The following TNR variants were observed in gnomAD, a reference collection of about 807,000 sequenced individuals.
TNR encodes the protein tenascin-R.
In TNR, 45 loss-of-function variants were observed where a neutral mutation model predicts 150.4. The ratio of observed to expected loss-of-function variants is 0.30; its 90% CI spans 0.24 to 0.38. The LOEUF is 0.38. TNR is among the 10% of genes least tolerant of loss of function. The pLI is 1.00. For synonymous variants in TNR, 687 were observed against 678.4 expected (o/e 1.01, Z -0.20); for missense variants, 1,544 against 1,759.1 (o/e 0.88, Z 2.19).
intron 2 of TNR, among the ~76,000 whole-genome samples, chr1:175,485,664 G>C (rs1000395232): frequency 4.6e-5 from 7 of 151,992 alleles, no homozygotes; most frequent in Non-Finnish European, 1.0e-4. Flanking sequence ...ATTCTTCTGG[G>C]GATATCACAG....
chr1:175,476,624 C>T (rs546491981), intron 2 of TNR, among the ~76,000 whole-genome samples: 3 of 152,328 alleles, frequency 2.0e-5, no homozygotes, highest in Admixed American at 2.0e-4. Context: ...CCTCCCAAAG[C>T]TACACCTCAC....
intron 18 of TNR, among the ~76,000 whole-genome samples, chr1:175,344,826 A>C (rs1233263239): frequency 6.6e-6 from 1 of 152,208 alleles, no homozygotes; most frequent in African/African-American, 2.4e-5. Flanking sequence ...GAAATAGAAC[A>C]AGAGGGAACA....
intron 1 of TNR, among the ~76,000 whole-genome samples, chr1:175,687,454 A>T (rs1394012980): frequency 6.6e-6 from 1 of 152,114 alleles, no homozygotes; most frequent in South Asian, 2.1e-4. Context: ...CTTTACACCC[A>T]CTGAAAGGAA....
chr1:175,335,207 A>T (rs1344481905), intron 20 of TNR: 1 of 152,718 alleles, frequency 6.5e-6, no homozygotes. Flanking sequence ...TTCTCGATCT[A>T]TATTTCCTGC....
intron 1 of TNR, among the ~76,000 whole-genome samples, chr1:175,604,886 T>A (rs1298743978): frequency 6.6e-6 from 1 of 152,132 alleles, no homozygotes; most frequent in African/African-American, 2.4e-5. Context: ...AGGGGAAGAA[T>A]GTCCAGAGAA....
chr1:175,358,210 C>T (rs1445476546), intron 15 of TNR, among the ~76,000 whole-genome samples: 1 of 152,178 alleles, frequency 6.6e-6, no homozygotes, highest in Non-Finnish European at 1.5e-5. Context: ...AGGACATACC[C>T]ATAGTAATGC....
chr1:175,600,249 T>A (rs1344029028), intron 1 of TNR, among the ~76,000 whole-genome samples: 2 of 152,224 alleles, frequency 1.3e-5, no homozygotes, highest in East Asian at 3.8e-4. Flanking sequence ...GCCTGGCATA[T>A]AGTAAGAATT....
chr1:175,356,690 T>C lies in TNR; in HGVS notation c.2975-228A>G, dbSNP rs189011026. Among the ~76,000 whole-genome samples, 33 of 152,344 alleles carry C rather than the reference T, an allele frequency of 2.2e-4. No individual in the cohort carries two copies. In the East Asian group the frequency reaches 6.4e-3, roughly 29 times the overall value. ...TGTGCAGGTCAAATTGTCTTCTCTA[T>C]AACTTCTATTCGTGTCTCTGGAGTT... On this transcript the variant is annotated intron_variant, in intron 15 of 22. Coordinates refer to ENST00000367674, the MANE Select transcript of TNR (RefSeq NM_003285.3).
chr1:175,555,359 C>T (rs1041385153), intron 1 of TNR, among the ~76,000 whole-genome samples: 3 of 152,178 alleles, frequency 2.0e-5, no homozygotes, highest in Admixed American at 2.0e-4. Flanking sequence ...AATAAAACCT[C>T]TCAGGCTAGG....
chr1:175,402,544 T>C (rs1653763230), intron 4 of TNR, among the ~76,000 whole-genome samples: 2 of 152,208 alleles, frequency 1.3e-5, no homozygotes, highest in East Asian at 3.9e-4. Context: ...TGTTGCCCAA[T>C]GTCCTTAGTA....
chr1:175,738,452 T>C (rs1667834776), intron 1 of TNR, among the ~76,000 whole-genome samples: 3 of 152,170 alleles, frequency 2.0e-5, no homozygotes, highest in South Asian at 4.1e-4. Context: ...TTCACTTACA[T>C]GTAGTACCTA....
chr1:175,647,430 C>T (rs544664417), intron 1 of TNR, among the ~76,000 whole-genome samples: 13 of 122,770 alleles, frequency 1.1e-4, no homozygotes, highest in East Asian at 2.8e-4. Context: ...TGTTACTATT[C>T]GGTGCAAAAA....
At chr1:175,360,032 T>C (rs1236125160) in intron 14 of TNR, among the ~76,000 whole-genome samples, 1 of 152,336 alleles carries the variant, frequency 6.6e-6, no homozygotes, top group African/African-American at 2.4e-5. Context: ...GATTTCAAGA[T>C]ATGGCTGGAA....
chr1:175,674,925 A>G (rs1309375051), intron 1 of TNR, among the ~76,000 whole-genome samples: 1 of 152,178 alleles, frequency 6.6e-6, no homozygotes, highest in Admixed American at 6.5e-5. Flanking sequence ...ACAGCTAATT[A>G]AGAATGTGAC....
intron 21 of TNR, among the ~76,000 whole-genome samples, chr1:175,325,827 G>T (rs6701883): frequency 0.75 from 112,857 of 151,278 alleles, 42,254 homozygotes; most frequent in East Asian, 0.8. Flanking sequence ...ATGAGAACAC[G>T]TGGACACAGG....
chr1:175,331,067 T>TTC (rs1649810312), intron 20 of TNR, among the ~76,000 whole-genome samples: 1 of 128,756 alleles, frequency 7.8e-6, no homozygotes, highest in Admixed American at 8.2e-5. Flanking sequence ...CTTTCTTTCT[T>TTC]TCTTTCTTTC....
intron 1 of TNR, among the ~76,000 whole-genome samples, chr1:175,722,231 A>G (rs1364258323): frequency 1.3e-5 from 2 of 151,368 alleles, no homozygotes; most frequent in Non-Finnish European, 2.9e-5. Flanking sequence ...TCCTTCCCCT[A>G]TCGGTTTGAA....
At chr1:175,636,780 C>T (rs942078413) in intron 1 of TNR, among the ~76,000 whole-genome samples, 2 of 152,210 alleles carry the variant, frequency 1.3e-5, no homozygotes, top group African/African-American at 4.8e-5. Context: ...CCTCAACAAA[C>T]TCATGTTTGG....
chr1:175,609,657 C>A (rs940357207), intron 1 of TNR, among the ~76,000 whole-genome samples: 8 of 152,136 alleles, frequency 5.3e-5, no homozygotes, highest in Admixed American at 2.0e-4. Context: ...GGCCATGAGA[C>A]CCTGGGGACC....
Sources: allele counts gnomAD v4.1 joint callset (sites outside exome capture counted in the v4.1 genomes callset), GRCh38; gene constraint gnomAD v4.1.1; transcripts MANE v1.5; gene names NCBI Gene and HGNC (gene_info 2026-07-23, HGNC 2026-07-21).